Variants in THOC5 observed in about 807,000 individuals in gnomAD.
THOC5 encodes Fms-interacting protein.
A neutral mutation model predicts 92.9 loss-of-function variants in THOC5; 43 were observed. The ratio of observed to expected loss-of-function variants is 0.46; its 90% CI spans 0.36 to 0.60. The LOEUF (loss-of-function observed/expected upper bound fraction) is 0.60. Ranked by LOEUF, THOC5 falls within the 20% of genes least tolerant of loss-of-function variation. The probability of loss-of-function intolerance (pLI) is 0.00; values close to 1 mark genes in which losing one functional copy is unlikely to be tolerated. For missense variants in THOC5, 659 were observed against 849.4 expected (o/e 0.78, Z 2.79); for synonymous variants, 296 against 320.1 (o/e 0.92, Z 0.80).
Position 29,549,122 on chromosome 22 carries a change from C to T in THOC5, c.26G>A (p.Arg9Gln), listed in dbSNP as rs769756307. ...ATCGCTTCGGATCACTTTGGGCTTCCGTTTTTTGCTCGATTCTGATGACAT... is the reference window on the plus strand; with the variant it reads ...ATCGCTTCGGATCACTTTGGGCTTCTGTTTTTTGCTCGATTCTGATGACAT... MSSESSKK[R>Q]KPKVIRSDGA... is the part of the protein sequence containing the mutation. The change falls in exon 2 of 20, where the codon CGG becomes CAG. Residue 9 changes from arginine to glutamine, a missense_variant. Arg to Gln is a conservative substitution (Grantham distance 43). Coordinates refer to ENST00000490103, the MANE Select transcript of THOC5 (RefSeq NM_003678.5). 1.2e-6 allele frequency: 2 copies of T among 1,614,084 alleles called. No individual in the cohort carries two copies. Among genetic ancestry groups the T allele is most frequent in the Non-Finnish European group, 1.7e-6 (2 of 1,180,016 alleles).
chr22:29,531,148 G>A, intron 8 of THOC5: 1 of 1,154,706 alleles, frequency 8.7e-7, no homozygotes, highest in South Asian at 1.8e-5. Context: ...AAGGGGAGGG[G>A]AGGACCAGAA....
At chr22:29,548,284 G>C (rs144537375) in intron 2 of THOC5, among the ~76,000 whole-genome samples, 2 of 152,198 alleles carry the variant, frequency 1.3e-5, no homozygotes, top group African/African-American at 4.8e-5. Context: ...CTGGGTGCGG[G>C]GTGGCTCACA....
At chr22:29,544,399 C>A (rs1346316827) in intron 3 of THOC5, 61 bp downstream of exon 3, 11 of 1,561,418 alleles carry the variant, frequency 7.0e-6, no homozygotes, top group Non-Finnish European at 9.6e-6. Flanking sequence ...CTGGTAGGTG[C>A]AAAAACAGCC....
chr22:29,534,471 G>A (rs1256996227), intron 7 of THOC5: 1 of 151,852 alleles, frequency 6.6e-6, no homozygotes, highest in Admixed American at 6.6e-5. Flanking sequence ...GTTTTTAAAA[G>A]TTGTATTCAA....
At chr22:29,543,596 C>T (rs2146550199) in intron 3 of THOC5, 54 bp from the exon 4 acceptor site, 1 of 1,404,012 alleles carries the variant, frequency 7.1e-7, no homozygotes, top group Middle Eastern at 1.8e-4. Flanking sequence ...GCTCAGCTTC[C>T]TTCAGTCCTT....
Position 29,542,818 on chromosome 22 carries a change from G to T in THOC5, c.452+41C>A, listed in dbSNP as rs111439169. 6,411 of 1,411,684 alleles carry T rather than the reference G, an allele frequency of 4.5e-3. 223 individuals carry two copies. In the African/African-American group the frequency reaches 0.074, roughly 16 times the overall value. The allele number at this position is 1,411,684 out of a possible 1,614,324, so 87.4% of individuals were successfully genotyped here. ...AGCTACATGGGAAAAAGCAGTTACC[G>T]AAAGACCACATGTGCCAAAGCCCTG... On this transcript the variant is annotated intron_variant, in intron 5 of 19. Coordinates refer to ENST00000490103, the MANE Select transcript of THOC5 (RefSeq NM_003678.5).
intron 5 of THOC5, among the ~76,000 whole-genome samples, chr22:29,542,493 G>A (rs1178928439): frequency 6.6e-6 from 1 of 152,218 alleles, no homozygotes; most frequent in Non-Finnish European, 1.5e-5. Context: ...GCTGGGAGCG[G>A]TGGCTCACGC....
At chr22:29,515,333 C>T (rs1357585521) in intron 17 of THOC5, among the ~76,000 whole-genome samples, 12 of 152,194 alleles carry the variant, frequency 7.9e-5, no homozygotes, top group East Asian at 1.9e-4. Flanking sequence ...TGAGCCACTG[C>T]GCCCGGCTGT....
Position 29,508,310 on chromosome 22 carries a change from C to T in THOC5, c.*147G>A, listed in dbSNP as rs1269559999. ...ACTGCAAAGCCACCTTGCCAGGAAC[C>T]ACAGACAAAGGCCACTGGTCAGGTG... On this transcript the variant is annotated 3_prime_UTR_variant, in exon 20 of 20. Coordinates refer to ENST00000490103, the MANE Select transcript of THOC5 (RefSeq NM_003678.5). 2.6e-5 allele frequency: 21 copies of T among 810,012 alleles called. No individual in the cohort carries two copies. The highest frequency in any genetic ancestry group is 3.5e-4 in the Middle Eastern group (1 of 2,880). 50.2% of individuals were successfully genotyped at this position (810,012 alleles called of 1,614,324 possible).
At chr22:29,524,859 C>T (rs1230427402) in intron 12 of THOC5, among the ~76,000 whole-genome samples, 2 of 152,218 alleles carry the variant, frequency 1.3e-5, no homozygotes, top group Non-Finnish European at 2.9e-5. Context: ...CTCCCTAAGC[C>T]TCAGTGGTCT....
chr22:29,549,036 C>T lies in THOC5; in HGVS notation c.96+16G>A. The T allele has an allele frequency of 6.2e-7, 1 of 1,613,192 alleles. No individual in the cohort carries two copies. The highest frequency in any genetic ancestry group is 8.5e-7 in the Non-Finnish European group (1 of 1,179,468). Reference sequence around the variant, plus strand: ...ATGTAATTTCTCAGCAGCATGGCAACCCTGACTGATCTCACCTGCTCGGTG... The same window carrying T: ...ATGTAATTTCTCAGCAGCATGGCAATCCTGACTGATCTCACCTGCTCGGTG... On this transcript the variant is annotated intron_variant, in intron 2 of 19. Coordinates refer to ENST00000490103, the MANE Select transcript of THOC5 (RefSeq NM_003678.5).
chr22:29,531,354 G>A, intron 8 of THOC5: 1 of 985,420 alleles, frequency 1.0e-6, no homozygotes, highest in Non-Finnish European at 1.2e-6. Flanking sequence ...AGAGTCACAG[G>A]CTGCCCTCAA....
intron 2 of THOC5, chr22:29,545,121 T>TGG (rs1555967946): frequency 4.7e-6 from 2 of 423,110 alleles, no homozygotes; most frequent in Non-Finnish European, 9.4e-6. Context: ...ACTTCTTATG[T>TGG]GGCGGCGGCA....
chr22:29,536,452 C>A, intron 7 of THOC5, 172 bp downstream of exon 7: 1 of 589,026 alleles, frequency 1.7e-6, no homozygotes, highest in Admixed American at 3.0e-5. Flanking sequence ...GCCAGCACTT[C>A]TTCCTCCCAG....
rs1456409569 is a variant in THOC5 at position 29,520,065 on chromosome 22, G to A, written c.1317C>T (p.His439=). 1 of 1,613,852 alleles carries A rather than the reference G, an allele frequency of 6.2e-7. No homozygotes were observed. The highest frequency in any genetic ancestry group is 8.5e-7 in the Non-Finnish European group (1 of 1,179,968). Residue 439 remains histidine (H), a synonymous_variant, in exon 14 of 20, where the codon CAC becomes CAT. Coordinates refer to ENST00000490103, the MANE Select transcript of THOC5 (RefSeq NM_003678.5). ...CCAGCTTCTGCACCCACAAATAGGG[G>A]TGACCTAGCTCAAGTACATAGTCGC... ...TLSDYVLELG[H]PYLWVQKLGG...
At chr22:29,529,004 G>A in intron 9 of THOC5, 158 bp downstream of exon 9, 1 of 698,674 alleles carries the variant, frequency 1.4e-6, no homozygotes, top group South Asian at 1.9e-5. Flanking sequence ...TGTGACTCCG[G>A]GAAGTGAGCT....
rs201916810 is a variant in THOC5, at chr22:29,531,930, G to C, written c.748C>G (p.Pro250Ala). 2.2e-5 allele frequency: 35 copies of C among 1,614,034 alleles called. No individual in the cohort carries two copies. The highest frequency in any genetic ancestry group is 2.7e-5 in the Non-Finnish European group (32 of 1,180,042). ...SLPVQEYLFM[P>A]FDQAHKQYET... is the part of the protein sequence containing the mutation. Reference sequence around the variant, plus strand: ...TACTGCTTGTGAGCCTGGTCGAATGGCATAAACAGGTACTCCTGCACCGGA... The same window carrying C: ...TACTGCTTGTGAGCCTGGTCGAATGCCATAAACAGGTACTCCTGCACCGGA... Residue 250 changes from proline (P) to alanine (A), a missense_variant, in exon 8 of 20, where the codon CCA becomes GCA. By Grantham distance (27) the Pro-to-Ala change is conservative. Transcript: ENST00000490103.
At chr22:29,546,396 C>G (rs185438023) in intron 2 of THOC5, among the ~76,000 whole-genome samples, 1 of 144,354 alleles carries the variant, frequency 6.9e-6, no homozygotes, top group Non-Finnish European at 1.5e-5. Context: ...TGAATTTCTC[C>G]GCAAAAAATG....
At chr22:29,512,626 T>A (rs1267996465) in intron 17 of THOC5, among the ~76,000 whole-genome samples, 1 of 152,246 alleles carries the variant, frequency 6.6e-6, no homozygotes, top group Non-Finnish European at 1.5e-5. Flanking sequence ...TAGAGAGTCC[T>A]TACTGTATCC....
Sources: allele counts gnomAD v4.1 joint callset (sites outside exome capture counted in the v4.1 genomes callset), GRCh38; gene constraint gnomAD v4.1.1; transcripts MANE v1.5; gene names NCBI Gene and HGNC (gene_info 2026-07-23, HGNC 2026-07-21).